ALK: variants seen among roughly 807,000 people sequenced by gnomAD.
The protein encoded by ALK is ALK receptor tyrosine kinase, also known as ALK tyrosine kinase receptor.
A neutral mutation model predicts 163.1 loss-of-function variants in ALK; 74 were observed. That is an observed-to-expected ratio of 0.45 (90% CI 0.38 to 0.55). The LOEUF (loss-of-function observed/expected upper bound fraction) is 0.55. Ranked by LOEUF, ALK falls within the 20% of genes least tolerant of loss-of-function variation. The pLI is 0.00. For missense variants in ALK, 2,063 were observed against 2,105.3 expected (o/e 0.98, Z 0.39); for synonymous variants, 960 against 843.2 (o/e 1.14, Z -2.40).
At chr2:29,876,733 T>C (rs1028382153) in intron 1 of ALK, among the ~76,000 whole-genome samples, 5 of 150,694 alleles carry the variant, frequency 3.3e-5, no homozygotes, top group African/African-American at 7.3e-5. Context: ...ATGATGATGG[T>C]GGTGATGGTA....
At chr2:29,303,917 A>G (rs1298106453) in intron 8 of ALK, among the ~76,000 whole-genome samples, 3 of 152,158 alleles carry the variant, frequency 2.0e-5, no homozygotes, top group Non-Finnish European at 2.9e-5. Flanking sequence ...ACGAAAAACT[A>G]CCTACTGGGT....
At chr2:29,643,173 G>T (rs1358679678) in intron 3 of ALK, among the ~76,000 whole-genome samples, 1 of 152,058 alleles carries the variant, frequency 6.6e-6, no homozygotes, top group African/African-American at 2.4e-5. Context: ...TTTCTTGGGG[G>T]TCATGGTGGG....
intron 1 of ALK, among the ~76,000 whole-genome samples, chr2:29,735,943 AC>A (rs1470912148): frequency 4.6e-5 from 7 of 152,008 alleles, no homozygotes; most frequent in Non-Finnish European, 8.8e-5. Context: ...TAATACACTT[AC>A]AAAAACCTTG....
chr2:29,291,006 TAATGTGA>T (rs1253227347), intron 9 of ALK, among the ~76,000 whole-genome samples: 1 of 152,154 alleles, frequency 6.6e-6, no homozygotes, highest in Non-Finnish European at 1.5e-5. Context: ...AGCAGTAAAC[TAATGTGA>T]AATGGATAAG....
chr2:29,808,831 G>A (rs758345763), intron 1 of ALK, among the ~76,000 whole-genome samples: 13 of 152,132 alleles, frequency 8.5e-5, no homozygotes, highest in Admixed American at 6.5e-5. Context: ...TGATGGATGC[G>A]GCAAACACAA....
At chr2:29,801,890 C>T (rs189761599) in intron 1 of ALK, among the ~76,000 whole-genome samples, 30 of 152,264 alleles carry the variant, frequency 2.0e-4, no homozygotes, top group Admixed American at 1.5e-3. Flanking sequence ...TACTACAGAG[C>T]TGCAGTACCA....
chr2:29,483,424 C>A (rs1254467726), intron 4 of ALK, among the ~76,000 whole-genome samples: 1 of 152,180 alleles, frequency 6.6e-6, no homozygotes, highest in African/African-American at 2.4e-5. Context: ...AAAGTGTAGT[C>A]TGTGCACCAG....
rs576743905 is a variant in ALK, at chr2:29,232,284, G to A, written c.2632+20C>T. ...GGCCTGGGAGAGGTTCTGGGAGAGG[G>A]CACGCTTGCAGCGCTTTACCTGCGG... is the stretch of plus-strand genomic sequence containing the variant. On this transcript the variant is annotated intron_variant, in intron 15 of 28. Coordinates refer to ENST00000389048, the MANE Select transcript of ALK (RefSeq NM_004304.5). 2 of 1,613,974 alleles carry A rather than the reference G, an allele frequency of 1.2e-6. No individual in the cohort carries two copies.
chr2:29,848,362 T>A (rs1198483281), intron 1 of ALK, among the ~76,000 whole-genome samples: 5 of 150,826 alleles, frequency 3.3e-5, no homozygotes, highest in African/African-American at 4.9e-5. Flanking sequence ...TTTTTTTTTT[T>A]AAACTAGCAA....
At chr2:29,776,656 G>A (rs1314129372) in intron 1 of ALK, among the ~76,000 whole-genome samples, 1 of 152,140 alleles carries the variant, frequency 6.6e-6, no homozygotes, top group Non-Finnish European at 1.5e-5. Context: ...ATTTTGCTGG[G>A]CATGGTGGCT....
chr2:29,570,909 AC>A (rs1363274542), intron 3 of ALK, among the ~76,000 whole-genome samples: 4 of 152,030 alleles, frequency 2.6e-5, no homozygotes, highest in Non-Finnish European at 5.9e-5. Context: ...GAAGCAGGAA[AC>A]ACAAAATCTT....
At chr2:29,604,419 C>G (rs1373308828) in intron 3 of ALK, among the ~76,000 whole-genome samples, 1 of 152,142 alleles carries the variant, frequency 6.6e-6, no homozygotes, top group Non-Finnish European at 1.5e-5. Context: ...GGATTACACT[C>G]AGATCTTTCA....
intron 5 of ALK, among the ~76,000 whole-genome samples, chr2:29,365,504 A>C (rs1170490441): frequency 2.0e-5 from 3 of 152,222 alleles, no homozygotes; most frequent in Non-Finnish European, 4.4e-5. Context: ...TCCAAACTTT[A>C]TTCTACAGAT....
chr2:29,673,790 T>C (rs1677783953), intron 3 of ALK, among the ~76,000 whole-genome samples: 3 of 151,404 alleles, frequency 2.0e-5, no homozygotes, highest in Admixed American at 1.3e-4. Flanking sequence ...TTTCATGATA[T>C]TGATTCTTCC....
chr2:29,892,483 T>C (rs1256010833), intron 1 of ALK: 1 of 152,204 alleles, frequency 6.6e-6, no homozygotes, highest in African/African-American at 2.4e-5. Context: ...GAAGGGTAGT[T>C]CCACTGTCCC....
rs547482333 is a variant in ALK at position 29,427,617 on chromosome 2, A to G, written c.1155-43758T>C. Among the ~76,000 whole-genome samples the G allele has an allele frequency of 2.0e-5, 3 of 152,222 alleles. No homozygotes were observed. The East Asian group carries it at 5.8e-4, about 29-fold the overall frequency. On this transcript the variant is annotated intron_variant, in intron 4 of 28. Coordinates refer to ENST00000389048, the MANE Select transcript of ALK (RefSeq NM_004304.5). ...CTAGAAGATATTCACTTAATAAAAA[A>G]AGAAAACAGTATGAGATAAAAAGAA... is the stretch of plus-strand genomic sequence containing the variant.
At chr2:29,579,398 A>C (rs1420508934) in intron 3 of ALK, among the ~76,000 whole-genome samples, 1 of 152,256 alleles carries the variant, frequency 6.6e-6, no homozygotes, top group Non-Finnish European at 1.5e-5. Flanking sequence ...CACAAGCTTC[A>C]GAGGCCTTAA....
At chr2:29,629,387 G>C (rs1430096928) in intron 3 of ALK, among the ~76,000 whole-genome samples, 1 of 152,114 alleles carries the variant, frequency 6.6e-6, no homozygotes, top group East Asian at 1.9e-4. Context: ...TTCAAGCAGA[G>C]GAATATGACA....
chr2:29,821,271 G>A (rs1665041141), intron 1 of ALK, among the ~76,000 whole-genome samples: 1 of 152,000 alleles, frequency 6.6e-6, no homozygotes, highest in African/African-American at 2.4e-5. Context: ...TTCTAGGGAG[G>A]TGGCCCTCTG....
Sources: gnomAD v4.1 joint callset for allele counts (sites outside exome capture counted in the v4.1 genomes callset) on GRCh38, gnomAD v4.1.1 for gene constraint, MANE v1.5 for transcripts, NCBI Gene and HGNC (gene_info 2026-07-23, HGNC 2026-07-21) for gene names.